The following ACTR10 variants were observed in gnomAD, a reference collection of about 807,000 sequenced individuals.
ACTR10 encodes the protein actin related protein 10, also known as actin-related protein 10.
A neutral mutation model predicts 56.2 loss-of-function variants in ACTR10; 43 were observed. The observed-to-expected ratio is 0.77, with a 90% CI of 0.60 to 0.99. The LOEUF is 0.99. ACTR10 is among the 50% of genes least tolerant of loss of function. ACTR10 has a pLI of 0.00. For synonymous variants in ACTR10, 170 were observed against 176.3 expected, an observed-to-expected ratio of 0.96 and a Z score of 0.28; for missense variants, 466 against 507.8, an observed-to-expected ratio of 0.92 and a Z score of 0.79.
At chr14:58,215,473 C>T (rs1469605562) in intron 7 of ACTR10, among the ~76,000 whole-genome samples, 189 bp downstream of exon 7, 1 of 152,124 alleles carries the variant, frequency 6.6e-6, no homozygotes, top group Admixed American at 6.5e-5. Context: ...TTTAGTCATC[C>T]TTTCCAGAAC....
chr14:58,209,084 C>G lies in ACTR10; in HGVS notation c.319C>G (p.Arg107Gly), dbSNP rs772399098. 5.6e-6 allele frequency: 9 copies of G among 1,592,940 alleles called. No individual in the cohort carries two copies. Among genetic ancestry groups the G allele is most frequent in the Non-Finnish European group, 6.0e-6 (7 of 1,168,984 alleles). ...TTCTCACTTCAGAGAGACACTCACT[C>G]GTGTTCTTTTCAAATATTTTGAGGT... ...CPSHFRETLT[R>G]VLFKYFEVPS... Residue 107 changes from arginine to glycine, a missense_variant, in exon 4 of 13, where the codon CGT becomes GGT. Coordinates refer to ENST00000254286, the MANE Select transcript of ACTR10 (RefSeq NM_018477.3).
intron 2 of ACTR10, 23 bp from the exon 3 acceptor site, chr14:58,207,913 T>A: frequency 7.6e-7 from 1 of 1,310,724 alleles, no homozygotes; most frequent in Admixed American, 2.7e-5. Flanking sequence ...TATAAATTAA[T>A]AAATCATTTT....
At chr14:58,201,682 C>T (rs1295550215) in intron 1 of ACTR10, among the ~76,000 whole-genome samples, 1 of 152,068 alleles carries the variant, frequency 6.6e-6, no homozygotes, top group Non-Finnish European at 1.5e-5. Flanking sequence ...AATGGAAATA[C>T]CTAAATACTC....
At chr14:58,232,572 C>A (rs796097752) in intron 12 of ACTR10, among the ~76,000 whole-genome samples, 2 of 151,774 alleles carry the variant, frequency 1.3e-5, no homozygotes, top group Admixed American at 6.6e-5. Flanking sequence ...TGCACCACCA[C>A]GCCCAGCTAA....
chr14:58,216,025 A>G (rs772067878), intron 7 of ACTR10, among the ~76,000 whole-genome samples: 58 of 149,340 alleles, frequency 3.9e-4, no homozygotes, highest in Non-Finnish European at 7.5e-4. Flanking sequence ...GAGAGCAAAG[A>G]CATTGTTTTA....
intron 10 of ACTR10, among the ~76,000 whole-genome samples, chr14:58,224,349 T>C (rs1216169729): frequency 6.6e-6 from 1 of 152,114 alleles, no homozygotes; most frequent in Non-Finnish European, 1.5e-5. Context: ...TTATCTCCTA[T>C]TTATCAAGGT....
chr14:58,232,022 G>A, intron 11 of ACTR10, 44 bp from the exon 12 acceptor site: 3 of 1,327,214 alleles, frequency 2.3e-6, no homozygotes, highest in Non-Finnish European at 2.1e-6. Flanking sequence ...AGCATTATTT[G>A]TACAGTTCAG....
rs752936224 is a variant in ACTR10 at position 58,223,760 on chromosome 14, T to A, written c.715-23T>A. ...AAAGGTTACAACATGTGTGGACTTA[T>A]GTTTATGATATTTATATTTCAGCGT... is the stretch of plus-strand genomic sequence containing the variant. On this transcript the variant is annotated intron_variant, in intron 9 of 12. Transcript: ENST00000254286. 5.6e-6 allele frequency: 9 copies of A among 1,610,028 alleles called. No homozygotes were observed. The South Asian group carries it at 8.8e-5, about 16-fold the overall frequency.
chr14:58,226,684 C>T (rs9788590), intron 10 of ACTR10, among the ~76,000 whole-genome samples: 60,224 of 151,726 alleles, frequency 0.4, 12,590 homozygotes, highest in Non-Finnish European at 0.48. Context: ...CACCACAACC[C>T]CCACCTCCCG....
intron 1 of ACTR10, 114 bp downstream of exon 1, chr14:58,200,408 T>G: frequency 1.3e-6 from 1 of 776,726 alleles, no homozygotes; most frequent in Non-Finnish European, 1.8e-6. Context: ...GGCCTCCCCT[T>G]TTCTTCAACC....
chr14:58,223,303 A>AT (rs890573506), intron 8 of ACTR10, among the ~76,000 whole-genome samples: 17 of 152,012 alleles, frequency 1.1e-4, no homozygotes, highest in Non-Finnish European at 2.4e-4. Flanking sequence ...CGCCCGGCTA[A>AT]TTTTTTGTAT....
At chr14:58,232,404 C>CTTTTCTTTTTTT (rs1889561673) in intron 12 of ACTR10, 137 bp downstream of exon 12, 1 of 130,928 alleles carries the variant, frequency 7.6e-6, no homozygotes. Context: ...CTGACTTTTT[C>CTTTTCTTTTTTT]TTTTTTTTTT....
chr14:58,201,935 G>A (rs1015779497), intron 1 of ACTR10, among the ~76,000 whole-genome samples: 1 of 151,002 alleles, frequency 6.6e-6, no homozygotes, highest in East Asian at 2.0e-4. Flanking sequence ...CCTGGGAAGC[G>A]GAGGCTGCAG....
intron 3 of ACTR10, 53 bp from the exon 4 acceptor site, chr14:58,208,946 T>G: frequency 8.1e-7 from 1 of 1,232,988 alleles, no homozygotes; most frequent in Non-Finnish European, 1.2e-6. Context: ...TTGTATGACT[T>G]AACAAAATGA....
intron 11 of ACTR10, 142 bp from the exon 12 acceptor site, chr14:58,231,924 G>A (rs1020308650): frequency 5.1e-5 from 21 of 408,206 alleles, no homozygotes; most frequent in Non-Finnish European, 5.6e-5. Context: ...CCCTTTTTGC[G>A]ATACAAACGA....
rs1479732389 is a variant in ACTR10, at chr14:58,235,360, T to G, written c.*809T>G. 1.3e-5 allele frequency: 2 copies of G among 152,242 alleles called. No individual in the cohort carries two copies. Among genetic ancestry groups the G allele is most frequent in the African/African-American group, 2.4e-5 (1 of 41,452 alleles). 9.4% of individuals were successfully genotyped at this position (152,242 alleles called of 1,614,324 possible). ...ATTTGATCTTTGGACTGAGAATGTT[T>G]GGTAACATAGTCAAGCATTTGTTAA... On this transcript the variant is annotated 3_prime_UTR_variant, in exon 13 of 13. Transcript: ENST00000254286.
intron 8 of ACTR10, among the ~76,000 whole-genome samples, chr14:58,221,201 T>C (rs1889257004): frequency 6.6e-6 from 1 of 151,020 alleles, no homozygotes; most frequent in African/African-American, 2.4e-5. Context: ...GAGAATTGCT[T>C]GAACCTGGGA....
At chr14:58,226,005 C>A (rs975672821) in intron 10 of ACTR10, among the ~76,000 whole-genome samples, 1 of 152,132 alleles carries the variant, frequency 6.6e-6, no homozygotes, top group South Asian at 2.1e-4. Flanking sequence ...AGCCACCGTG[C>A]CTGACTGGTA....
chr14:58,204,618 A>G (rs963624680), intron 2 of ACTR10, among the ~76,000 whole-genome samples: 2 of 152,180 alleles, frequency 1.3e-5, no homozygotes, highest in Non-Finnish European at 2.9e-5. Flanking sequence ...GAGTCAGTGC[A>G]GATGGTAGCA....
Sources: gnomAD v4.1 joint callset for allele counts (sites outside exome capture counted in the v4.1 genomes callset) on GRCh38, gnomAD v4.1.1 for gene constraint, MANE v1.5 for transcripts, NCBI Gene and HGNC (gene_info 2026-07-23, HGNC 2026-07-21) for gene names.